The following EPM2A variants were observed in gnomAD, a reference collection of about 807,000 sequenced individuals.
EPM2A encodes EPM2A glucan phosphatase, laforin, also known as laforin.
Under a neutral mutation model 26.5 loss-of-function variants are expected in EPM2A, and 21 were observed. That is an observed-to-expected ratio of 0.79 (90% confidence interval 0.56 to 1.14). The LOEUF (loss-of-function observed/expected upper bound fraction) is 1.14. Among genes scored for constraint, EPM2A ranks in the 50% most tolerant of loss-of-function variants. The pLI is 0.00. For synonymous variants in EPM2A, 217 were observed against 177.6 expected (o/e 1.22, Z -1.76); for missense variants, 458 against 440.8 (o/e 1.04, Z -0.35).
chr6:145,611,809 G>A (rs1404752343), intron 2 of EPM2A, among the ~76,000 whole-genome samples: 2 of 151,942 alleles, frequency 1.3e-5, no homozygotes, highest in African/African-American at 4.8e-5. Context: ...TTACTCCATT[G>A]ATACTAAATT....
Position 145,662,331 on chromosome 6 carries a change from T to C in EPM2A, c.476+23791A>G, listed in dbSNP as rs1169342270. 2.6e-5 allele frequency among the ~76,000 whole-genome samples: 4 copies of C among 152,368 alleles called. No individual in the cohort carries two copies. The East Asian group carries it at 7.7e-4, about 29-fold the overall frequency. On this transcript the variant is annotated intron_variant, in intron 2 of 3. Coordinates refer to ENST00000367519, the MANE Select transcript of EPM2A (RefSeq NM_005670.4). ...TTATAACAAATGATCATTTTTCTAA[T>C]TAATTTATCATTTTTGATATGCTGA...
chr6:145,479,584 T>A (rs1779588294), intron 4 of EPM2A, among the ~76,000 whole-genome samples: 1 of 151,984 alleles, frequency 6.6e-6, no homozygotes, highest in Admixed American at 6.6e-5. Flanking sequence ...GTTTCATCCA[T>A]GTTGTAGCAT....
chr6:145,478,696 G>A (rs932549625), intron 4 of EPM2A, among the ~76,000 whole-genome samples: 1 of 151,430 alleles, frequency 6.6e-6, no homozygotes, highest in African/African-American at 2.4e-5. Flanking sequence ...CATCCCATAT[G>A]TTTTATATGT....
chr6:145,397,730 T>A (rs1161963013), intron 4 of EPM2A, among the ~76,000 whole-genome samples: 1 of 152,308 alleles, frequency 6.6e-6, no homozygotes, highest in Admixed American at 6.5e-5. Flanking sequence ...TTATCAAGTA[T>A]TATTGACCAA....
At chr6:145,518,682 C>A (rs1780164518) in intron 2 of EPM2A, among the ~76,000 whole-genome samples, 1 of 146,822 alleles carries the variant, frequency 6.8e-6, no homozygotes, top group African/African-American at 2.5e-5. Context: ...AATTAGCCAA[C>A]AGTTAGCTTT....
rs147697340 is a variant in EPM2A at position 145,565,549 on chromosome 6, C to T, written c.341-62974G>A. Among the ~76,000 whole-genome samples, 498 of 152,328 alleles carry T rather than the reference C, an allele frequency of 3.3e-3. 3 individuals carry two copies. Among genetic ancestry groups the T allele is most frequent in the African/African-American group, 0.011 (465 of 41,598 alleles). On this transcript the variant is annotated intron_variant, in intron 2 of 3. Transcript: ENST00000450221. ...ACAGCACCAGACCATCTGCCAACCTCCTTCCTGAGCAGAGCAGTTGCCAGG... is the reference window on the plus strand; with the variant it reads ...ACAGCACCAGACCATCTGCCAACCTTCTTCCTGAGCAGAGCAGTTGCCAGG...
intron 4 of EPM2A, among the ~76,000 whole-genome samples, chr6:145,485,305 C>A (rs1425014750): frequency 1.3e-5 from 2 of 151,998 alleles, no homozygotes; most frequent in South Asian, 2.1e-4. Flanking sequence ...ACATCAAATG[C>A]CACTGAGATA....
intron 2 of EPM2A, among the ~76,000 whole-genome samples, chr6:145,615,996 G>T (rs1775504444): frequency 6.6e-6 from 1 of 152,314 alleles, no homozygotes; most frequent in Non-Finnish European, 1.5e-5. Flanking sequence ...CATTTTCTAA[G>T]GAGAAATTTA....
chr6:145,690,097 G>A (rs1781178375), intron 1 of EPM2A, among the ~76,000 whole-genome samples: 1 of 152,198 alleles, frequency 6.6e-6, no homozygotes, highest in African/African-American at 2.4e-5. Flanking sequence ...TCAGGGAGGA[G>A]TCTGTTTGGT....
intron 2 of EPM2A, among the ~76,000 whole-genome samples, chr6:145,547,596 G>C (rs948653032): frequency 6.6e-6 from 1 of 152,062 alleles, no homozygotes; most frequent in African/African-American, 2.4e-5. Flanking sequence ...CTGTGTACTG[G>C]ATTGAATAAT....
chr6:145,623,715 G>T (rs527986492), downstream of EPM2A, among the ~76,000 whole-genome samples: 104 of 152,258 alleles, frequency 6.8e-4, no homozygotes, highest in African/African-American at 2.4e-3. Flanking sequence ...TTTTGATAGA[G>T]GAAGGGGCTG....
intron 4 of EPM2A, among the ~76,000 whole-genome samples, chr6:145,448,363 G>C (rs572122616): frequency 2.6e-5 from 4 of 152,020 alleles, no homozygotes; most frequent in African/African-American, 7.2e-5. Flanking sequence ...GACTACACTG[G>C]GAAAAAGGCA....
chr6:145,668,171 A>AG (rs1779372563), intron 2 of EPM2A, among the ~76,000 whole-genome samples: 1 of 152,024 alleles, frequency 6.6e-6, no homozygotes, highest in Non-Finnish European at 1.5e-5. Flanking sequence ...TAATAAAAAA[A>AG]AAAGGTTAAT....
At chr6:145,488,705 T>C (rs1582793866) in intron 4 of EPM2A, among the ~76,000 whole-genome samples, 1 of 152,128 alleles carries the variant, frequency 6.6e-6, no homozygotes, top group African/African-American at 2.4e-5. Flanking sequence ...AAAAGCCTGA[T>C]AATTATATAC....
chr6:145,621,803 C>T (rs1254968334), downstream of EPM2A, among the ~76,000 whole-genome samples: 1 of 152,038 alleles, frequency 6.6e-6, no homozygotes, highest in African/African-American at 2.4e-5. Context: ...TGTTCTTTTG[C>T]TTGTGACGTG....
At chr6:145,722,871 G>A (rs1313678571) in intron 1 of EPM2A, 1 of 387,176 alleles carries the variant, frequency 2.6e-6, no homozygotes, top group Non-Finnish European at 5.0e-6. Flanking sequence ...ATAAACCAAA[G>A]AAAGAGGCCT....
At chr6:145,629,940 A>C (rs749272175) in intron 3 of EPM2A, 1 of 152,266 alleles carries the variant, frequency 6.6e-6, no homozygotes, top group Non-Finnish European at 1.5e-5. Context: ...CCTGCAAACA[A>C]GATCTTCCCT....
chr6:145,470,386 G>A (rs1779458425), intron 4 of EPM2A, among the ~76,000 whole-genome samples: 1 of 152,036 alleles, frequency 6.6e-6, no homozygotes, highest in African/African-American at 2.4e-5. Flanking sequence ...ATGAATTCAT[G>A]CTGTATGTAG....
intron 4 of EPM2A, among the ~76,000 whole-genome samples, chr6:145,456,191 T>A (rs1290972106): frequency 6.6e-6 from 1 of 152,196 alleles, no homozygotes; most frequent in Non-Finnish European, 1.5e-5. Flanking sequence ...AATTTACTGC[T>A]ATGATAGTAA....
Sources: gnomAD v4.1 joint callset for allele counts (sites outside exome capture counted in the v4.1 genomes callset) on GRCh38, gnomAD v4.1.1 for gene constraint, MANE v1.5 for transcripts, NCBI Gene and HGNC (gene_info 2026-07-23, HGNC 2026-07-21) for gene names.